WAPL: variants seen among roughly 807,000 people sequenced by gnomAD.
WAPL encodes WAPL cohesin release factor, also known as wings apart-like protein homolog.
WAPL carries 5 observed loss-of-function variants against 121.0 expected under a neutral mutation model. The ratio of observed to expected loss-of-function variants is 0.04; its 90% confidence interval spans 0.02 to 0.09. WAPL has a LOEUF of 0.09. Among genes scored for constraint, WAPL ranks in the 10% least tolerant of loss-of-function variants. The pLI, the probability that WAPL is intolerant of heterozygous loss-of-function variation, is 1.00. For missense variants in WAPL, 999 were observed against 1,410.8 expected, an observed-to-expected ratio of 0.71 and a Z score of 4.68; for synonymous variants, 480 against 481.5, an observed-to-expected ratio of 1.00 and a Z score of 0.04.
intron 4 of WAPL, among the ~76,000 whole-genome samples, chr10:86,490,641 AT>A (rs1440157688): frequency 1.3e-5 from 2 of 152,202 alleles, no homozygotes; most frequent in Admixed American, 6.5e-5. Flanking sequence ...GTAAACTAAA[AT>A]CTAAGGAAAA....
At chr10:86,458,698 G>A (rs1312644771) in intron 12 of WAPL, among the ~76,000 whole-genome samples, 7 of 148,218 alleles carry the variant, frequency 4.7e-5, no homozygotes, top group Non-Finnish European at 1.0e-4. Flanking sequence ...TCATTTTACT[G>A]TAATAAAAAT....
chr10:86,463,692 A>G (rs529162477), intron 9 of WAPL, among the ~76,000 whole-genome samples: 3 of 152,314 alleles, frequency 2.0e-5, no homozygotes, highest in Admixed American at 6.5e-5. Context: ...AAGCCTTCAC[A>G]TACACTCATC....
intron 9 of WAPL, among the ~76,000 whole-genome samples, chr10:86,465,485 C>T (rs757719509): frequency 3.9e-5 from 6 of 152,186 alleles, no homozygotes; most frequent in Admixed American, 1.3e-4. Context: ...GGATTATGGG[C>T]GTGAGCCACA....
At chr10:86,479,094 A>G (rs1239567611) in intron 4 of WAPL, among the ~76,000 whole-genome samples, 1 of 151,714 alleles carries the variant, frequency 6.6e-6, no homozygotes, top group Non-Finnish European at 1.5e-5. Flanking sequence ...GTGACACTCC[A>G]TCTCAAAAAA....
intron 4 of WAPL, among the ~76,000 whole-genome samples, chr10:86,496,708 C>T (rs1456864761): frequency 2.0e-5 from 3 of 151,820 alleles, no homozygotes; most frequent in Non-Finnish European, 2.9e-5. Context: ...TTTGACATAC[C>T]GTAAAAGACA....
chr10:86,516,032 A>C (rs967755656), intron 2 of WAPL, among the ~76,000 whole-genome samples: 2 of 151,680 alleles, frequency 1.3e-5, no homozygotes, highest in Non-Finnish European at 1.5e-5. Flanking sequence ...ATGCCCAGCT[A>C]ATTTTTTGTA....
At chr10:86,464,832 G>A (rs182583235) in intron 9 of WAPL, among the ~76,000 whole-genome samples, 20 of 152,188 alleles carry the variant, frequency 1.3e-4, no homozygotes, top group Middle Eastern at 3.4e-3. Context: ...GCAAGACTTC[G>A]TCTCAAAAAA....
At chr10:86,511,497 A>C (rs1435050475) in intron 2 of WAPL, among the ~76,000 whole-genome samples, 1 of 152,186 alleles carries the variant, frequency 6.6e-6, no homozygotes, top group East Asian at 1.9e-4. Context: ...TGAAAAGAAC[A>C]CTTTGGATGT....
chr10:86,441,347 T>C (rs1011715457), intron 17 of WAPL, among the ~76,000 whole-genome samples: 5 of 152,108 alleles, frequency 3.3e-5, no homozygotes, highest in African/African-American at 9.7e-5. Context: ...CTCAGCCTGA[T>C]TGTCTAGACA....
intron 4 of WAPL, among the ~76,000 whole-genome samples, chr10:86,490,229 T>TAC: frequency 6.6e-6 from 1 of 151,584 alleles, no homozygotes; most frequent in African/African-American, 2.4e-5. Context: ...AAAAAACACA[T>TAC]ACACACACAC....
At chr10:86,514,492 A>G (rs1219496108) in intron 2 of WAPL, among the ~76,000 whole-genome samples, 2 of 152,184 alleles carry the variant, frequency 1.3e-5, no homozygotes, top group Non-Finnish European at 2.9e-5. Flanking sequence ...ACCCTTTGTG[A>G]AGGAGGAAGG....
intron 2 of WAPL, among the ~76,000 whole-genome samples, chr10:86,501,530 T>C (rs1842247654): frequency 6.6e-6 from 1 of 152,222 alleles, no homozygotes; most frequent in South Asian, 2.1e-4. Flanking sequence ...ACAAAATGTA[T>C]ACCCTATGCC....
At position 86,517,680 on chromosome 10, in the gene WAPL, A is replaced by G. The variant is rs757750998; in HGVS notation, c.390T>C (p.Ser130=). ...SHVVVEDTVV[S]DKCFPLEDTL... ...TGTCCTCCAAAGGGAAGCATTTATC[A>G]GAAACGACAGTGTCTTCAACGACCA... is the stretch of plus-strand genomic sequence containing the variant. Residue 130 remains serine (S), a synonymous_variant, in exon 2 of 19, where the codon TCT becomes TCC. Transcript: ENST00000298767. 2 of 1,614,190 alleles carry G rather than the reference A, an allele frequency of 1.2e-6. No individual in the cohort carries two copies. Among genetic ancestry groups the G allele is most frequent in the Non-Finnish European group, 1.7e-6 (2 of 1,180,020 alleles).
chr10:86,506,853 C>T (rs1314091888), intron 2 of WAPL, among the ~76,000 whole-genome samples: 2 of 151,980 alleles, frequency 1.3e-5, no homozygotes, highest in Non-Finnish European at 2.9e-5. Flanking sequence ...CTACACTGGA[C>T]TAAGGGTGCC....
Position 86,521,463 on chromosome 10 carries a change from G to A in WAPL, c.-121C>T, listed in dbSNP as rs1225537842. The A allele has an allele frequency of 6.2e-6, 2 of 321,594 alleles. No individual in the cohort carries two copies. Among genetic ancestry groups the A allele is most frequent in the Admixed American group, 1.1e-4 (2 of 18,896 alleles). 19.9% of individuals were successfully genotyped at this position (321,594 alleles called of 1,614,324 possible). On this transcript the variant is annotated 5_prime_UTR_variant, in exon 1 of 19. Transcript: ENST00000298767. Reference sequence around the variant, plus strand: ...GCGGAACCCTCGCGCGGGAGAGCAGGGCCGGCAGGTGAGAGCCGAGAGAGG... The same window carrying A: ...GCGGAACCCTCGCGCGGGAGAGCAGAGCCGGCAGGTGAGAGCCGAGAGAGG...
intron 12 of WAPL, among the ~76,000 whole-genome samples, chr10:86,455,416 C>A (rs1286292431): frequency 6.6e-6 from 1 of 151,972 alleles, no homozygotes; most frequent in Non-Finnish European, 1.5e-5. Context: ...TGTGCTGTGT[C>A]CACTCAGGGT....
chr10:86,478,200 G>T (rs991267925), intron 4 of WAPL, among the ~76,000 whole-genome samples: 1 of 151,980 alleles, frequency 6.6e-6, no homozygotes, highest in African/African-American at 2.4e-5. Context: ...GAGGCCAAGG[G>T]AGACAGATGT....
At position 86,472,421 on chromosome 10, in the gene WAPL, C is replaced by T. The variant is rs1419464857; in HGVS notation, c.1894-77G>A. 1.3e-6 allele frequency: 2 copies of T among 1,537,924 alleles called. No individual in the cohort carries two copies. Among genetic ancestry groups the T allele is most frequent in the Admixed American group, 2.4e-5 (1 of 42,194 alleles). ...AAATCTATGGGCTCACTGTACTTTACATAAGTGCATAAAATAGTTCATTAG... is the reference window on the plus strand; with the variant it reads ...AAATCTATGGGCTCACTGTACTTTATATAAGTGCATAAAATAGTTCATTAG... On this transcript the variant is annotated intron_variant, in intron 6 of 18. Transcript: ENST00000298767. The surrounding 1 kb of genome is among the most constrained non-coding windows in gnomAD (Gnocchi z 4.2).
At chr10:86,521,052 C>G (rs573262798) in intron 1 of WAPL, among the ~76,000 whole-genome samples, 1 of 152,070 alleles carries the variant, frequency 6.6e-6, no homozygotes, top group African/African-American at 2.4e-5. Flanking sequence ...CCTCTGCCAC[C>G]GAATCCTTAA....
Sources: gnomAD v4.1 joint callset for allele counts (sites outside exome capture counted in the v4.1 genomes callset) on GRCh38, gnomAD v4.1.1 for gene constraint, Gnocchi (gnomAD v3.1) non-coding constraint, MANE v1.5 for transcripts, NCBI Gene and HGNC (gene_info 2026-07-23, HGNC 2026-07-21) for gene names.